Variants in DAAM1 observed in about 807,000 individuals in gnomAD.
The protein encoded by DAAM1 is dishevelled associated activator of morphogenesis 1.
In DAAM1, 52 loss-of-function variants were observed where a neutral mutation model predicts 130.0. The ratio of observed to expected loss-of-function variants is 0.40; its 90% CI spans 0.32 to 0.50. The LOEUF (loss-of-function observed/expected upper bound fraction) is 0.50. DAAM1 is among the 20% of genes least tolerant of loss of function. DAAM1 has a pLI of 0.61. For missense variants in DAAM1, 1,134 were observed against 1,303.8 expected (o/e 0.87, Z 2.01); for synonymous variants, 452 against 444.5 (o/e 1.02, Z -0.21).
intron 1 of DAAM1, among the ~76,000 whole-genome samples, chr14:59,207,523 A>G (rs568044151): frequency 6.6e-6 from 1 of 152,376 alleles, no homozygotes; most frequent in East Asian, 1.9e-4. Flanking sequence ...TTTCATTTAA[A>G]ACATATCAAT....
chr14:59,337,707 G>T (rs1018538839), intron 15 of DAAM1, among the ~76,000 whole-genome samples: 8 of 152,174 alleles, frequency 5.3e-5, no homozygotes, highest in African/African-American at 1.9e-4. Flanking sequence ...TCCTGGGGCA[G>T]TTAGGACAGG....
intron 1 of DAAM1, among the ~76,000 whole-genome samples, chr14:59,193,256 A>C (rs1887786912): frequency 6.6e-6 from 1 of 152,156 alleles, no homozygotes; most frequent in African/African-American, 2.4e-5. Context: ...ACTGTCTTTT[A>C]TGTAGATTAT....
chr14:59,285,624 C>G (rs909829400), intron 2 of DAAM1, among the ~76,000 whole-genome samples: 17 of 152,144 alleles, frequency 1.1e-4, no homozygotes, highest in African/African-American at 3.9e-4. Flanking sequence ...GGTTGCTATT[C>G]TTGTATCTGA....
At chr14:59,198,292 G>T (rs192073344) in intron 1 of DAAM1, among the ~76,000 whole-genome samples, 4 of 148,160 alleles carry the variant, frequency 2.7e-5, no homozygotes, top group Admixed American at 6.9e-5. Context: ...TGCAACCTCC[G>T]CCTCCTGTGT....
intron 1 of DAAM1, among the ~76,000 whole-genome samples, chr14:59,189,381 A>T (rs1887656626): frequency 6.6e-6 from 1 of 152,234 alleles, no homozygotes; most frequent in African/African-American, 2.4e-5. Flanking sequence ...TTCAAAACAG[A>T]GAGAAGGGAA....
chr14:59,349,210 G>A (rs1444174312), intron 17 of DAAM1, among the ~76,000 whole-genome samples: 1 of 152,206 alleles, frequency 6.6e-6, no homozygotes, highest in Non-Finnish European at 1.5e-5. Flanking sequence ...AGGACTATGT[G>A]TAAAGCCACT....
intron 15 of DAAM1, among the ~76,000 whole-genome samples, chr14:59,333,537 T>A (rs1310349388): frequency 1.3e-5 from 2 of 152,234 alleles, no homozygotes; most frequent in Non-Finnish European, 2.9e-5. Flanking sequence ...GGCCTTGACA[T>A]GGAATCTTGA....
At chr14:59,214,807 T>C (rs1174888761) in intron 1 of DAAM1, among the ~76,000 whole-genome samples, 2 of 152,256 alleles carry the variant, frequency 1.3e-5, no homozygotes, top group Non-Finnish European at 2.9e-5. Context: ...TCAACATTTG[T>C]GTTTAAGTAT....
chr14:59,242,973 A>C (rs1881195973), intron 1 of DAAM1, among the ~76,000 whole-genome samples: 1 of 152,224 alleles, frequency 6.6e-6, no homozygotes, highest in Non-Finnish European at 1.5e-5. Flanking sequence ...GAATCCTTGA[A>C]GTTCAAAGCA....
At chr14:59,366,389 A>G (rs1374408219) in intron 23 of DAAM1, among the ~76,000 whole-genome samples, 1 of 152,140 alleles carries the variant, frequency 6.6e-6, no homozygotes, top group East Asian at 1.9e-4. Context: ...CAATAGCAGC[A>G]TTATTTGTGA....
At chr14:59,191,351 T>G (rs985661879) in intron 1 of DAAM1, among the ~76,000 whole-genome samples, 1 of 152,086 alleles carries the variant, frequency 6.6e-6, no homozygotes, top group Non-Finnish European at 1.5e-5. Context: ...GATTATAAGC[T>G]CCTTGAGGGC....
rs756342829 is a variant in DAAM1, at chr14:59,324,414, A to G, written c.949A>G (p.Ile317Val). The part of the protein sequence containing the change: ...EFLMLGIQPV[I>V]DKLREHENST... ...TCTGATGTTAGGAATTCAACCTGTA[A>G]TAGATAAATTAAGGGAACACGAAAA... The change falls in exon 8 of 25, where the codon ATA (isoleucine) becomes GTA (valine). Residue 317 changes from isoleucine to valine, a missense_variant. Physicochemically the swap from Ile to Val is conservative, Grantham distance 29. This residue lies in a region of DAAM1 where 391 missense variants were observed against 521.6 expected (regional missense o/e 0.75). Transcript: ENST00000360909. 17 of 1,596,318 alleles carry G rather than the reference A, an allele frequency of 1.1e-5. No homozygotes were observed. In the South Asian group the frequency reaches 1.7e-4, roughly 16 times the overall value.
intron 16 of DAAM1, among the ~76,000 whole-genome samples, chr14:59,342,873 G>A (rs1283264150): frequency 6.6e-6 from 1 of 152,154 alleles, no homozygotes; most frequent in Non-Finnish European, 1.5e-5. Context: ...TGTCAAGGAG[G>A]CGTGCAGCAG....
intron 1 of DAAM1, among the ~76,000 whole-genome samples, chr14:59,222,988 C>T (rs1310847979): frequency 1.3e-5 from 2 of 152,218 alleles, no homozygotes; most frequent in African/African-American, 2.4e-5. Flanking sequence ...TCACAGGGAA[C>T]GGCTATAATA....
chr14:59,355,457 C>T, intron 20 of DAAM1, 124 bp downstream of exon 20: 5 of 1,196,722 alleles, frequency 4.2e-6, no homozygotes, highest in Non-Finnish European at 5.8e-6. Context: ...TTCTCTTTCT[C>T]ACTACTTTCT....
intron 3 of DAAM1, chr14:59,291,616 G>A: frequency 3.9e-6 from 1 of 255,692 alleles, no homozygotes; most frequent in South Asian, 5.8e-5. Context: ...TCTGTATACA[G>A]GTGGTCTAGA....
chr14:59,208,916 T>C (rs76957852), intron 1 of DAAM1, among the ~76,000 whole-genome samples: 9,109 of 152,290 alleles, frequency 0.06, 377 homozygotes, highest in Non-Finnish European at 0.089. Flanking sequence ...ATGTACTGGC[T>C]TCCCTCTTCA....
chr14:59,320,231 A>G (rs990091759), intron 4 of DAAM1, among the ~76,000 whole-genome samples: 6 of 152,220 alleles, frequency 3.9e-5, no homozygotes, highest in African/African-American at 1.4e-4. Context: ...TCTTATTTCT[A>G]TCAAATACAA....
At chr14:59,242,004 G>A (rs900368350) in intron 1 of DAAM1, among the ~76,000 whole-genome samples, 1 of 152,034 alleles carries the variant, frequency 6.6e-6, no homozygotes, top group Non-Finnish European at 1.5e-5. Context: ...CTTCTAAAAT[G>A]GATTATCTTT....
Sources: gnomAD v4.1 joint callset for allele counts (sites outside exome capture counted in the v4.1 genomes callset) on GRCh38, gnomAD v4.1.1 for gene constraint, gnomAD v4.1.1 regional missense constraint, MANE v1.5 for transcripts, NCBI Gene and HGNC (gene_info 2026-07-23, HGNC 2026-07-21) for gene names.